ITGAE: variants seen among roughly 807,000 people sequenced by gnomAD.
ITGAE encodes integrin alpha-E.
ITGAE carries 99 observed loss-of-function variants against 136.5 expected under a neutral mutation model. That is an observed-to-expected ratio of 0.73 (90% CI 0.62 to 0.86). ITGAE has a LOEUF of 0.86. Among genes scored for constraint, ITGAE ranks in the 40% least tolerant of loss-of-function variants. The pLI is 0.00. For missense variants in ITGAE, 1,447 were observed against 1,515.3 expected (o/e 0.95, Z 0.75); for synonymous variants, 613 against 591.8 (o/e 1.04, Z -0.52).
Position 3,730,156 on chromosome 17 carries a change from T to A in ITGAE, c.2835-601A>T, listed in dbSNP as rs2051307413. On this transcript the variant is annotated intron_variant, in intron 23 of 30. Coordinates refer to ENST00000263087, the MANE Select transcript of ITGAE (RefSeq NM_002208.5). Reference sequence around the variant, plus strand: ...CTCCCCAGGGTCACTGGGAGTCAGATAAGAAAAGGCTCTCAGAGGCTGGGC... The same window carrying A: ...CTCCCCAGGGTCACTGGGAGTCAGAAAAGAAAAGGCTCTCAGAGGCTGGGC... 2.0e-5 allele frequency among the ~76,000 whole-genome samples: 3 copies of A among 151,832 alleles called. No homozygotes were observed. In the South Asian group the frequency reaches 6.2e-4, roughly 32 times the overall value.
chr17:3,792,934 C>T (rs2052977657), intron 1 of ITGAE, among the ~76,000 whole-genome samples: 1 of 152,232 alleles, frequency 6.6e-6, no homozygotes, highest in Admixed American at 6.5e-5. Flanking sequence ...TGCACCCCAG[C>T]TTTTGCAGAC....
rs202207641 is a variant in ITGAE at position 3,748,004 on chromosome 17, G to A, written c.2073C>T (p.Ser691=). 191 of 1,613,122 alleles carry A rather than the reference G, an allele frequency of 1.2e-4. No homozygotes were observed. The highest frequency in any genetic ancestry group is 3.3e-4 in the Middle Eastern group (2 of 6,038). The change falls in exon 17 of 31, where the codon AGC becomes AGT. Residue 691 remains serine, a synonymous_variant. Transcript: ENST00000263087. ...CGCCGTTGAAGCCGATGGGCAGTGC[G>A]CTGGGGGTGAAGGCCATGGAGACCT... ...RLKVSMAFTP[S]ALPIGFNGVV... is the part of the protein sequence containing the mutation.
chr17:3,786,750 C>T (rs1166540616), intron 1 of ITGAE, among the ~76,000 whole-genome samples: 4 of 151,850 alleles, frequency 2.6e-5, no homozygotes, highest in East Asian at 1.9e-4. Flanking sequence ...ATTAGCTGGG[C>T]GTGGTGGCGC....
chr17:3,753,058 A>G (rs377626862), intron 14 of ITGAE, among the ~76,000 whole-genome samples: 3 of 152,200 alleles, frequency 2.0e-5, no homozygotes, highest in African/African-American at 7.2e-5. Context: ...CAAAAACAAC[A>G]ACCACAAAAA....
intron 18 of ITGAE, among the ~76,000 whole-genome samples, chr17:3,744,315 A>C (rs2051660289): frequency 6.6e-6 from 1 of 152,062 alleles, no homozygotes; most frequent in African/African-American, 2.4e-5. Flanking sequence ...TTTGGGAAAA[A>C]TCTCCTTCAT....
chr17:3,797,330 T>C (rs1182779548), intron 1 of ITGAE, among the ~76,000 whole-genome samples: 4 of 150,790 alleles, frequency 2.7e-5, no homozygotes, highest in Non-Finnish European at 4.4e-5. Context: ...CATGCCCAGC[T>C]AATTTTTTGT....
At chr17:3,756,343 G>C (rs1283182883) in intron 10 of ITGAE, among the ~76,000 whole-genome samples, 1 of 147,598 alleles carries the variant, frequency 6.8e-6, no homozygotes, top group South Asian at 2.1e-4. Flanking sequence ...AAGTGACCTG[G>C]TGCCTTAGCT....
At chr17:3,748,905 T>C (rs558510556) in intron 16 of ITGAE, among the ~76,000 whole-genome samples, 102 of 152,174 alleles carry the variant, frequency 6.7e-4, no homozygotes, top group African/African-American at 2.2e-3. Flanking sequence ...TGTAAAGCCA[T>C]GGTGAGGAAT....
At chr17:3,718,404 T>C (rs1047254415) in intron 29 of ITGAE, 1 of 152,212 alleles carries the variant, frequency 6.6e-6, no homozygotes, top group African/African-American at 2.4e-5. Flanking sequence ...GTGCTGGCCA[T>C]GAAGGAATGC....
In ITGAE at chr17:3,753,842, A is replaced by G; in HGVS notation, c.1468T>C (p.Phe490Leu). The change falls in exon 13 of 31, where the codon TTT becomes CTT. Residue 490 changes from phenylalanine (F) to leucine (L), a missense_variant. By Grantham distance (22) the Phe-to-Leu change is conservative. This residue lies in a region of ITGAE where 1,031 missense variants were observed against 1,011.4 expected (regional missense o/e 1.02). Coordinates refer to ENST00000263087, the MANE Select transcript of ITGAE (RefSeq NM_002208.5). ...TCTCTGCCCTCCTTCTGGAGCTCAAACACGGCCCCATGATGTTTGTACCGT... is the reference window on the plus strand; with the variant it reads ...TCTCTGCCCTCCTTCTGGAGCTCAAGCACGGCCCCATGATGTTTGTACCGT... ...APRYKHHGAV[F>L]ELQKEGREAS... 6.2e-7 allele frequency: 1 copy of G among 1,614,126 alleles called. No homozygotes were observed. Among genetic ancestry groups the G allele is most frequent in the Non-Finnish European group, 8.5e-7 (1 of 1,180,008 alleles).
chr17:3,776,047 C>T (rs930650842), intron 2 of ITGAE, among the ~76,000 whole-genome samples: 3 of 147,842 alleles, frequency 2.0e-5, no homozygotes, highest in African/African-American at 7.5e-5. Flanking sequence ...AGAAATTGTG[C>T]TAAGCCCTTT....
intron 29 of ITGAE, 44 bp downstream of exon 29, chr17:3,720,263 C>A: frequency 1.1e-6 from 1 of 920,454 alleles, no homozygotes. Context: ...AAAGGTTAGG[C>A]ACAATTTTCC....
intron 26 of ITGAE, 61 bp from the exon 27 acceptor site, chr17:3,723,805 G>T: frequency 6.3e-7 from 1 of 1,588,712 alleles, no homozygotes; most frequent in Non-Finnish European, 8.6e-7. Context: ...TTTCCGTCCC[G>T]TCCCGGCCCC....
chr17:3,728,831 A>G (rs1306879311), intron 24 of ITGAE, among the ~76,000 whole-genome samples: 4 of 149,884 alleles, frequency 2.7e-5, no homozygotes, highest in Non-Finnish European at 5.9e-5. Flanking sequence ...CAGGAGTTCA[A>G]GACCAGCCTG....
chr17:3,746,077 T>G (rs1250093932), intron 17 of ITGAE, 150 bp from the exon 18 acceptor site: 1 of 678,594 alleles, frequency 1.5e-6, no homozygotes, highest in East Asian at 2.9e-5. Flanking sequence ...GCGTCGGTTT[T>G]TCAAAGATAT....
intron 2 of ITGAE, among the ~76,000 whole-genome samples, chr17:3,772,739 C>T (rs1435957990): frequency 1.3e-5 from 2 of 152,164 alleles, no homozygotes; most frequent in Non-Finnish European, 2.9e-5. Context: ...GCTGGGATTA[C>T]AGGCGTGAGC....
At chr17:3,767,502 G>C (rs951605937) in intron 2 of ITGAE, among the ~76,000 whole-genome samples, 8 of 152,184 alleles carry the variant, frequency 5.3e-5, no homozygotes, top group Non-Finnish European at 7.3e-5. Flanking sequence ...CAAAGTGCTG[G>C]AATTACAAGC....
chr17:3,792,962 C>G (rs1227037092), intron 1 of ITGAE, among the ~76,000 whole-genome samples: 1 of 152,178 alleles, frequency 6.6e-6, no homozygotes, highest in African/African-American at 2.4e-5. Context: ...TTGTGTCCTC[C>G]CTGCCAATGC....
At chr17:3,730,961 G>A (rs1027208416) in intron 23 of ITGAE, 143 bp downstream of exon 23, 1 of 607,842 alleles carries the variant, frequency 1.6e-6, no homozygotes, top group East Asian at 2.7e-5. Context: ...TCCCTGCAGG[G>A]AAACAGATGC....
Sources: allele counts gnomAD v4.1 joint callset (sites outside exome capture counted in the v4.1 genomes callset), GRCh38; gene constraint gnomAD v4.1.1; regional missense constraint gnomAD v4.1.1; transcripts MANE v1.5; gene names NCBI Gene and HGNC (gene_info 2026-07-23, HGNC 2026-07-21).